CPLANE1: variants seen among roughly 807,000 people sequenced by gnomAD.
The protein encoded by CPLANE1 is ciliogenesis and planar polarity effector 1.
Under a neutral mutation model 362.5 loss-of-function variants are expected in CPLANE1, and 263 were observed. The observed-to-expected ratio is 0.73, with a 90% confidence interval of 0.66 to 0.80. CPLANE1 has a LOEUF of 0.80. Among genes scored for constraint, CPLANE1 ranks in the 30% least tolerant of loss-of-function variants. CPLANE1 has a pLI of 0.00. For synonymous variants in CPLANE1, 1,212 were observed against 1,302.6 expected (o/e 0.93, Z 1.50); for missense variants, 3,461 against 3,793.4 (o/e 0.91, Z 2.30).
intron 7 of CPLANE1, 59 bp downstream of exon 7, chr5:37,239,653 TC>T: frequency 1.7e-6 from 2 of 1,154,954 alleles, no homozygotes; most frequent in Non-Finnish European, 1.1e-6. Context: ...AAGAAAAATC[TC>T]AAAACTGGAA....
rs1782306572 is a variant in CPLANE1, at chr5:37,180,259, T to TTG, written c.5571-77_5571-76insCA. ...CTAATTCAGTTTTGGGTTTTTTTTTTGTTTTTTTTTTTAAGATGGAGTCTC... is the reference window on the plus strand; with the variant it reads ...CTAATTCAGTTTTGGGTTTTTTTTTTTGGTTTTTTTTTTTAAGATGGAGTCTC... On this transcript the variant is annotated intron_variant, in intron 27 of 52. Coordinates refer to ENST00000651892, the MANE Select transcript of CPLANE1 (RefSeq NM_001384732.1). The TTG allele has an allele frequency of 4.0e-6, 4 of 1,006,404 alleles. No homozygotes were observed. The African/African-American group carries it at 6.7e-5, about 17-fold the overall frequency. 62.3% of individuals were successfully genotyped at this position (1,006,404 alleles called of 1,614,324 possible).
At chr5:37,231,720 C>A (rs952594522) in intron 8 of CPLANE1, among the ~76,000 whole-genome samples, 6 of 152,162 alleles carry the variant, frequency 3.9e-5, no homozygotes, top group Non-Finnish European at 8.8e-5. Context: ...GACTCTCCCT[C>A]TTCCCAAAGC....
intron 20 of CPLANE1, among the ~76,000 whole-genome samples, chr5:37,198,072 TGA>T (rs1188025412): frequency 1.3e-5 from 2 of 152,222 alleles, no homozygotes; most frequent in Non-Finnish European, 2.9e-5. Flanking sequence ...TATTTGGAGA[TGA>T]TGAAATTTAT....
chr5:37,191,705 T>C (rs1226759521), intron 21 of CPLANE1, among the ~76,000 whole-genome samples: 1 of 152,068 alleles, frequency 6.6e-6, no homozygotes, highest in Non-Finnish European at 1.5e-5. Flanking sequence ...TACAGTGGCT[T>C]ACGCCTGTAG....
At chr5:37,187,366 A>G in intron 23 of CPLANE1, 48 bp downstream of exon 23, 1 of 1,434,682 alleles carries the variant, frequency 7.0e-7, no homozygotes, top group Non-Finnish European at 9.5e-7. Context: ...AAAATCTTTT[A>G]AAGTCTCTGA....
intron 16 of CPLANE1, among the ~76,000 whole-genome samples, chr5:37,213,024 C>T (rs542563426): frequency 2.6e-5 from 4 of 152,268 alleles, no homozygotes; most frequent in African/African-American, 9.6e-5. Context: ...GCCTGACTAA[C>T]GTGGTGAAAC....
Position 37,224,751 on chromosome 5 carries a change from AATCAGGTAATT to A in CPLANE1, c.2292-22_2292-12del. On this transcript the variant is annotated splice_polypyrimidine_tract_variant and intron_variant, in intron 12 of 52. Coordinates refer to ENST00000651892, the MANE Select transcript of CPLANE1 (RefSeq NM_001384732.1). The stretch of plus-strand genomic sequence containing the variant: ...CAGAGAATAAGCAATCTGCACATAA[AATCAGGTAATT>A]ATCAAAAGCAAATTTCAGGCTAATG... 1 of 1,534,164 alleles carries A rather than the reference AATCAGGTAATT, an allele frequency of 6.5e-7. No homozygotes were observed. The highest frequency in any genetic ancestry group is 8.8e-7 in the Non-Finnish European group (1 of 1,132,946).
intron 26 of CPLANE1, among the ~76,000 whole-genome samples, chr5:37,182,492 G>A (rs1159271752): frequency 6.6e-6 from 1 of 152,122 alleles, no homozygotes; most frequent in Non-Finnish European, 1.5e-5. Context: ...AATACCACTT[G>A]TAATATCACT....
At chr5:37,153,040 T>A (rs1774016399) in intron 42 of CPLANE1, among the ~76,000 whole-genome samples, 2 of 152,262 alleles carry the variant, frequency 1.3e-5, no homozygotes, top group African/African-American at 4.8e-5. Flanking sequence ...AAAATGATAA[T>A]TACAAGTGGG....
chr5:37,165,663 C>T lies in CPLANE1; in HGVS notation c.7409G>A (p.Arg2470Lys). The T allele has an allele frequency of 6.2e-7, 1 of 1,604,096 alleles. No homozygotes were observed. Residue 2470 changes from arginine (R) to lysine (K), a missense_variant, in exon 36 of 53, where the codon AGA (arginine) becomes AAA (lysine). By Grantham distance (26) the Arg-to-Lys change is conservative. Transcript: ENST00000651892. ...QGKDSKKRQR[R>K]RAEKELQEKR... is the part of the protein sequence containing the mutation. Reference sequence around the variant, plus strand: ...TTCTTGCAGCTCTTTCTCAGCTCTTCTTCTTTGCCTGTTAAACATAATAGC... The same window carrying T: ...TTCTTGCAGCTCTTTCTCAGCTCTTTTTCTTTGCCTGTTAAACATAATAGC...
intron 15 of CPLANE1, among the ~76,000 whole-genome samples, chr5:37,215,576 A>G (rs1322367961): frequency 6.6e-6 from 1 of 152,106 alleles, no homozygotes; most frequent in Non-Finnish European, 1.5e-5. Flanking sequence ...TGTGATGTTC[A>G]ATGGTCAACT....
rs1347489421 is a variant in CPLANE1 at position 37,227,256 on chromosome 5, G to C, written c.1508C>G (p.Ala503Gly). The C allele has an allele frequency of 3.9e-6, 6 of 1,551,126 alleles. No homozygotes were observed. Among genetic ancestry groups the C allele is most frequent in the Non-Finnish European group, 5.2e-6 (6 of 1,146,826 alleles). ...LQAEETINEN[A>G]ADFQDFEAEE... ...GCTGCTAAGTACCTGAAAATCTGCTGCATTTTCATTTATTGTTTCTTCTGC... is the reference window on the plus strand; with the variant it reads ...GCTGCTAAGTACCTGAAAATCTGCTCCATTTTCATTTATTGTTTCTTCTGC... Residue 503 changes from alanine (A) to glycine (G), a missense_variant, in exon 11 of 53, where the codon GCA becomes GGA. Physicochemically the swap from Ala to Gly is moderately conservative, Grantham distance 60. Around this residue, in one of 2 missense-constraint regions of CPLANE1, gnomAD observed 3,380 missense variants for 3,666.1 expected, o/e 0.92. Coordinates refer to ENST00000651892, the MANE Select transcript of CPLANE1 (RefSeq NM_001384732.1).
chr5:37,185,377 A>C (rs1019151195), intron 24 of CPLANE1, among the ~76,000 whole-genome samples: 9 of 152,132 alleles, frequency 5.9e-5, no homozygotes, highest in Non-Finnish European at 1.0e-4. Flanking sequence ...CTGTTTTAAA[A>C]CTCAGAAGGA....
At chr5:37,203,004 A>G (rs1224999629) in intron 18 of CPLANE1, among the ~76,000 whole-genome samples, 1 of 151,684 alleles carries the variant, frequency 6.6e-6, no homozygotes, top group East Asian at 1.9e-4. Context: ...CCAGTTCACA[A>G]ATTTGCTCCT....
chr5:37,111,230 C>G (rs1316128661), intron 51 of CPLANE1, among the ~76,000 whole-genome samples: 4 of 150,336 alleles, frequency 2.7e-5, no homozygotes, highest in African/African-American at 9.8e-5. Context: ...ACACCATTCT[C>G]CTGCCTCAGC....
intron 41 of CPLANE1, among the ~76,000 whole-genome samples, chr5:37,155,113 A>G (rs1170583287): frequency 6.6e-6 from 1 of 152,158 alleles, no homozygotes. Flanking sequence ...CCTATCTGTA[A>G]TTTATCTCTA....
intron 46 of CPLANE1, among the ~76,000 whole-genome samples, chr5:37,137,036 T>C (rs1767933645): frequency 6.6e-6 from 1 of 152,216 alleles, no homozygotes; most frequent in Non-Finnish European, 1.5e-5. Context: ...TATGGAAATT[T>C]CTGCACTGAG....
rs748824091 is a variant in CPLANE1 at position 37,183,458 on chromosome 5, G to A, written c.4723C>T (p.Pro1575Ser). The change falls in exon 26 of 53, where the codon CCA becomes TCA. Residue 1575 changes from proline (P) to serine (S), a missense_variant. Around this residue, in one of 2 missense-constraint regions of CPLANE1, gnomAD observed 3,380 missense variants for 3,666.1 expected, o/e 0.92. Transcript: ENST00000651892. Reference protein sequence around the residue: ...DLPYSRDADIPFLTSFSGKLR... With the variant: ...DLPYSRDADISFLTSFSGKLR... The stretch of plus-strand genomic sequence containing the variant: ...TTTCCAGAAAAACTAGTTAGAAATG[G>A]AATGTCAGCATCCCTGGAATAAGGT... 1 of 1,613,416 alleles carries A rather than the reference G, an allele frequency of 6.2e-7. No individual in the cohort carries two copies. The highest frequency in any genetic ancestry group is 1.1e-5 in the South Asian group (1 of 91,036).
At chr5:37,112,945 C>T (rs1329933974) in intron 51 of CPLANE1, among the ~76,000 whole-genome samples, 5 of 152,114 alleles carry the variant, frequency 3.3e-5, no homozygotes, top group Non-Finnish European at 7.4e-5. Context: ...AACAATATAA[C>T]GGTACATGTA....
Sources: allele counts gnomAD v4.1 joint callset (sites outside exome capture counted in the v4.1 genomes callset), GRCh38; gene constraint gnomAD v4.1.1; regional missense constraint gnomAD v4.1.1; transcripts MANE v1.5; gene names NCBI Gene and HGNC (gene_info 2026-07-23, HGNC 2026-07-21).